ARHGAP21: variants seen among roughly 807,000 people sequenced by gnomAD.
ARHGAP21 encodes the protein Rho GTPase activating protein 21.
ARHGAP21 carries 38 observed loss-of-function variants against 164.6 expected under a neutral mutation model. The observed-to-expected ratio is 0.23, with a 90% CI of 0.18 to 0.30. The LOEUF is 0.30. ARHGAP21 is among the 10% of genes least tolerant of loss of function. The pLI is 1.00. For synonymous variants in ARHGAP21, 766 were observed against 857.9 expected (o/e 0.89, Z 1.87); for missense variants, 1,822 against 2,370.7 (o/e 0.77, Z 4.81).
intron 4 of ARHGAP21, among the ~76,000 whole-genome samples, chr10:24,653,527 C>G (rs1040116397): frequency 6.6e-6 from 1 of 151,644 alleles, no homozygotes; most frequent in Non-Finnish European, 1.5e-5. Context: ...GAGCTGAGAT[C>G]GCGCCACTGT....
chr10:24,585,971 C>T lies in ARHGAP21; in HGVS notation c.4318G>A (p.Val1440Ile). Residue 1440 changes from valine to isoleucine, a missense_variant, in exon 26 of 26, where the codon GTA becomes ATA. Around this residue, in one of 5 missense-constraint regions of ARHGAP21, gnomAD observed 333 missense variants for 383.9 expected, o/e 0.87. Coordinates refer to ENST00000396432, the MANE Select transcript of ARHGAP21 (RefSeq NM_020824.4). ...TCCACATTTTCTTTCTTAAAAAATA[C>T]ATTGTCCAGTTCATCTTCTGAGCTG... is the stretch of plus-strand genomic sequence containing the variant. ...PSSSEDELDN[V>I]FFKKENVEQC... The T allele has an allele frequency of 6.2e-7, 1 of 1,614,154 alleles. No individual in the cohort carries two copies. The highest frequency in any genetic ancestry group is 1.3e-5 in the African/African-American group (1 of 75,030).
chr10:24,696,336 C>T (rs944814399), intron 2 of ARHGAP21, among the ~76,000 whole-genome samples: 1 of 152,130 alleles, frequency 6.6e-6, no homozygotes, highest in Admixed American at 6.5e-5. Flanking sequence ...GGGTCCTCCC[C>T]GACCCCAGTC....
At chr10:24,663,744 G>A (rs1839921250) in intron 4 of ARHGAP21, among the ~76,000 whole-genome samples, 1 of 152,128 alleles carries the variant, frequency 6.6e-6, no homozygotes, top group Non-Finnish European at 1.5e-5. Flanking sequence ...GGCCAGGCTG[G>A]TCTCAAACTC....
In ARHGAP21 at chr10:24,585,372, G is replaced by A. The variant is rs1143060; in HGVS notation, c.4917C>T (p.Ser1639=). The part of the protein sequence containing the change: ...EGRPVETDSE[S]EFPVFPTALT... ...AGGCTGTGGGGAACACGGGAAACTC[G>A]CTCTCGCTGTCGGTTTCCACAGGCC... Residue 1639 remains serine, a synonymous_variant, in exon 26 of 26, where the codon AGC becomes AGT. Transcript: ENST00000396432. 71 of 1,613,764 alleles carry A rather than the reference G, an allele frequency of 4.4e-5. 1 individual carries two copies. The East Asian group carries it at 1.4e-3, about 32-fold the overall frequency.
At chr10:24,615,034 C>CA (rs1333106471) in intron 9 of ARHGAP21, among the ~76,000 whole-genome samples, 1 of 151,184 alleles carries the variant, frequency 6.6e-6, no homozygotes, top group Non-Finnish European at 1.5e-5. Flanking sequence ...ACTAAAAATA[C>CA]AAAAAATTAG....
At chr10:24,688,498 A>G (rs1232625048) in intron 2 of ARHGAP21, among the ~76,000 whole-genome samples, 1 of 152,236 alleles carries the variant, frequency 6.6e-6, no homozygotes, top group Non-Finnish European at 1.5e-5. Context: ...TGGTGATCCA[A>G]ACTATGCATT....
chr10:24,615,041 T>C (rs1015158080), intron 9 of ARHGAP21, among the ~76,000 whole-genome samples: 1 of 151,366 alleles, frequency 6.6e-6, no homozygotes, highest in Non-Finnish European at 1.5e-5. Flanking sequence ...ATACAAAAAA[T>C]TAGCTGGGCA....
Position 24,635,119 on chromosome 10 carries a change from C to A in ARHGAP21, c.269-16G>T. The stretch of plus-strand genomic sequence containing the variant: ...CTTTGTTTTCCTGTTACAGAGAAGC[C>A]CAAAGCATGATTTTACTTCACAATA... On this transcript the variant is annotated splice_polypyrimidine_tract_variant and intron_variant, in intron 4 of 25. Coordinates refer to ENST00000396432, the MANE Select transcript of ARHGAP21 (RefSeq NM_020824.4). The A allele has an allele frequency of 6.5e-7, 1 of 1,532,452 alleles. No individual in the cohort carries two copies. The highest frequency in any genetic ancestry group is 2.0e-5 in the Admixed American group (1 of 50,160). 94.9% of individuals were successfully genotyped at this position (1,532,452 alleles called of 1,614,324 possible).
At chr10:24,590,477 C>T in intron 24 of ARHGAP21, 5 of 1,535,172 alleles carry the variant, frequency 3.3e-6, no homozygotes, top group Non-Finnish European at 3.5e-6. Context: ...CCTCCCACTT[C>T]GCCTGTTCAA....
intron 4 of ARHGAP21, among the ~76,000 whole-genome samples, chr10:24,660,058 T>C (rs1244835428): frequency 1.3e-5 from 2 of 152,166 alleles, no homozygotes; most frequent in Admixed American, 6.5e-5. Flanking sequence ...ATCATTATCA[T>C]CTTCATCATC....
chr10:24,670,104 C>A, intron 3 of ARHGAP21, 114 bp downstream of exon 3: 1 of 619,028 alleles, frequency 1.6e-6, no homozygotes, highest in Non-Finnish European at 2.5e-6. Flanking sequence ...AAATGTAATG[C>A]TTGATTCTTT....
chr10:24,635,090 GTTTC>G lies in ARHGAP21; in HGVS notation c.278_281del (p.Arg93ThrfsTer32). 2 of 1,589,018 alleles carry G rather than the reference GTTTC, an allele frequency of 1.3e-6. No individual in the cohort carries two copies. The highest frequency in any genetic ancestry group is 1.7e-6 in the Non-Finnish European group (2 of 1,170,766). ...ATATGGTATCCATTGGTTCCAAGCG[GTTTC>G]TTTGTTTTCCTGTTACAGAGAAGCC... On this transcript the variant is annotated frameshift_variant, in exon 5 of 26. Coordinates refer to ENST00000396432, the MANE Select transcript of ARHGAP21 (RefSeq NM_020824.4). LOFTEE classifies it high-confidence loss of function.
chr10:24,621,824 A>G (rs1204704709), intron 8 of ARHGAP21, among the ~76,000 whole-genome samples: 1 of 148,218 alleles, frequency 6.7e-6, no homozygotes, highest in Non-Finnish European at 1.5e-5. Flanking sequence ...ATAATAAATT[A>G]AGTCTAATTT....
intron 2 of ARHGAP21, among the ~76,000 whole-genome samples, chr10:24,678,813 T>G (rs1463759865): frequency 8.5e-5 from 13 of 152,168 alleles, no homozygotes. Context: ...GTTCTATATT[T>G]CCATTATTTT....
intron 4 of ARHGAP21, among the ~76,000 whole-genome samples, chr10:24,642,446 C>T (rs1837151578): frequency 7.1e-6 from 1 of 140,794 alleles, no homozygotes; most frequent in Non-Finnish European, 1.5e-5. Flanking sequence ...ACCTGGGAGG[C>T]GGAGCTTGCA....
At chr10:24,719,041 TAA>T (rs755192857) in intron 2 of ARHGAP21, among the ~76,000 whole-genome samples, 4 of 151,890 alleles carry the variant, frequency 2.6e-5, no homozygotes, top group Non-Finnish European at 5.9e-5. Flanking sequence ...AGAATCTATA[TAA>T]AGTGATTTTG....
At chr10:24,643,062 A>T (rs1837237363) in intron 4 of ARHGAP21, among the ~76,000 whole-genome samples, 1 of 152,232 alleles carries the variant, frequency 6.6e-6, no homozygotes, top group African/African-American at 2.4e-5. Context: ...CAGCAGTTTA[A>T]GTACAGTACC....
rs1366647559 is a variant in ARHGAP21, at chr10:24,634,939, C to T, written c.361+72G>A. 7 of 1,169,230 alleles carry T rather than the reference C, an allele frequency of 6.0e-6. No homozygotes were observed. In the South Asian group the frequency reaches 7.7e-5, roughly 13 times the overall value. 72.4% of individuals were successfully genotyped at this position (1,169,230 alleles called of 1,614,324 possible). A position where few individuals can be genotyped will look rare whatever the true frequency, so the allele number is the denominator to read the frequency against. ...AGAAAGATACAAAAGGAAAAAATAT[C>T]GAACATGAAATATGGAAGAAATAAA... On this transcript the variant is annotated intron_variant, in intron 5 of 25. Transcript: ENST00000396432.
chr10:24,653,552 GAC>G (rs1251031255), intron 4 of ARHGAP21, among the ~76,000 whole-genome samples: 3 of 150,822 alleles, frequency 2.0e-5, no homozygotes, highest in Non-Finnish European at 4.4e-5. Flanking sequence ...CAGCCTGGGC[GAC>G]AGAGAGAGAC....
Sources: gnomAD v4.1 joint callset for allele counts (sites outside exome capture counted in the v4.1 genomes callset) on GRCh38, gnomAD v4.1.1 for gene constraint, gnomAD v4.1.1 regional missense constraint, MANE v1.5 for transcripts, NCBI Gene and HGNC (gene_info 2026-07-23, HGNC 2026-07-21) for gene names.